The following LXN variants were observed in gnomAD, a reference collection of about 807,000 sequenced individuals.
The protein encoded by LXN is MUM.
A neutral mutation model predicts 29.8 loss-of-function variants in LXN; 28 were observed. The observed-to-expected ratio is 0.94, with a 90% confidence interval of 0.70 to 1.29. The LOEUF (loss-of-function observed/expected upper bound fraction) is 1.29, where lower values mean the gene tolerates loss of function less well. Among genes scored for constraint, LXN ranks in the 50% most tolerant of loss-of-function variants. The pLI is 0.00. For synonymous variants in LXN, 77 were observed against 89.6 expected (o/e 0.86, Z 0.80); for missense variants, 227 against 261.7 (o/e 0.87, Z 0.92).
At position 158,667,081 on chromosome 3, in the gene LXN, C is replaced by A; in HGVS notation, c.508-7G>T. ...TAAAGTCATCATTTCTTTGCTATGA[C>A]AAAAAATAAAAACGTGTTGTTTAAA... is the stretch of plus-strand genomic sequence containing the variant. On this transcript the variant is annotated splice_region_variant and splice_polypyrimidine_tract_variant and intron_variant, in intron 4 of 5. Coordinates refer to ENST00000264265, the MANE Select transcript of LXN (RefSeq NM_020169.4). The A allele has an allele frequency of 6.4e-7, 1 of 1,571,960 alleles. No individual in the cohort carries two copies. Among genetic ancestry groups the A allele is most frequent in the Non-Finnish European group, 8.6e-7 (1 of 1,165,190 alleles).
At chr3:158,669,711 G>T in intron 2 of LXN, 101 bp from the exon 3 acceptor site, 2 of 1,131,112 alleles carry the variant, frequency 1.8e-6, no homozygotes, top group Non-Finnish European at 1.3e-6. Flanking sequence ...TAATGGTGTT[G>T]TTTTAGACTA....
intron 5 of LXN, 115 bp downstream of exon 5, chr3:158,666,897 C>G (rs975676268): frequency 6.8e-7 from 1 of 1,479,814 alleles, no homozygotes; most frequent in Admixed American, 2.4e-5. Context: ...AATCTGGTGC[C>G]TATCTGGATT....
At chr3:158,668,392 A>G (rs1179582711) in intron 4 of LXN, among the ~76,000 whole-genome samples, 4 of 152,086 alleles carry the variant, frequency 2.6e-5, no homozygotes, top group Non-Finnish European at 4.4e-5. Flanking sequence ...TTTTCCCCCA[A>G]ATATTTTTGA....
chr3:158,666,598 C>T lies in LXN; in HGVS notation c.*48G>A, dbSNP rs761265517. ...ATAAGCTAGATGCCAGTGAAATTGG[C>T]ATACACATCAATAGACATGTTTACA... On this transcript the variant is annotated 3_prime_UTR_variant, in exon 6 of 6. Transcript: ENST00000264265. 6.0e-6 allele frequency: 9 copies of T among 1,509,596 alleles called. No individual in the cohort carries two copies. Among genetic ancestry groups the T allele is most frequent in the Non-Finnish European group, 8.3e-6 (9 of 1,087,538 alleles). The allele number at this position is 1,509,596 out of a possible 1,614,324, so 93.5% of individuals were successfully genotyped here.
chr3:158,666,630 G>T lies in LXN; in HGVS notation c.*16C>A, dbSNP rs1723713955. 3 of 1,601,888 alleles carry T rather than the reference G, an allele frequency of 1.9e-6. No homozygotes were observed. The highest frequency in any genetic ancestry group is 2.7e-5 in the African/African-American group (2 of 74,790). On this transcript the variant is annotated 3_prime_UTR_variant, in exon 6 of 6. Transcript: ENST00000264265. ...ATCAATAGACATGTTTACACTTCCAGTGTTAGGGTTTTTGTTTATTCCAGT... is the reference window on the plus strand; with the variant it reads ...ATCAATAGACATGTTTACACTTCCATTGTTAGGGTTTTTGTTTATTCCAGT...
rs183903111 is a variant in LXN at position 158,666,484 on chromosome 3, T to C, written c.*162A>G. 4.5e-5 allele frequency: 52 copies of C among 1,163,304 alleles called. No individual in the cohort carries two copies. The Admixed American group carries it at 9.1e-4, about 20-fold the overall frequency. 72.1% of individuals were successfully genotyped at this position (1,163,304 alleles called of 1,614,324 possible). A position where few individuals can be genotyped will look rare whatever the true frequency, so the allele number is the denominator to read the frequency against. ...TTACTGTTTTAAAGACATTTTTATG[T>C]AGTGATACTTTGTATTATGGACTCT... On this transcript the variant is annotated 3_prime_UTR_variant, in exon 6 of 6. Transcript: ENST00000264265.
chr3:158,666,844 A>G, intron 5 of LXN, 100 bp from the exon 6 acceptor site: 2 of 1,422,650 alleles, frequency 1.4e-6, no homozygotes, highest in Admixed American at 2.2e-5. Flanking sequence ...GTCTTCACAA[A>G]GAATAGTACT....
intron 2 of LXN, 117 bp downstream of exon 2, chr3:158,670,839 TG>T: frequency 7.9e-7 from 1 of 1,267,310 alleles, no homozygotes; most frequent in Non-Finnish European, 1.0e-6. Flanking sequence ...GAGGCTGAGG[TG>T]GGAAGATGGC....
rs1472691746 is a variant in LXN, at chr3:158,672,369, A to T, written c.110T>A (p.Val37Asp). 5.0e-6 allele frequency: 8 copies of T among 1,613,594 alleles called. No homozygotes were observed. The highest frequency in any genetic ancestry group is 1.6e-4 in the Middle Eastern group (1 of 6,084). Reference protein sequence around the residue: ...TPHRVFEVQKVKQASMEDIPG... With the variant: ...TPHRVFEVQKDKQASMEDIPG... The stretch of plus-strand genomic sequence containing the variant: ...ACTCACCTCCATGCTGGCTTGTTTG[A>T]CCTTCTGCACCTCAAACACCCTGTG... The change falls in exon 1 of 6, where the codon GTC becomes GAC. Residue 37 changes from valine to aspartate, a missense_variant. Transcript: ENST00000264265.
intron 2 of LXN, among the ~76,000 whole-genome samples, chr3:158,670,666 A>C (rs543728971): frequency 1.3e-5 from 2 of 152,372 alleles, no homozygotes; most frequent in African/African-American, 4.8e-5. Context: ...TTGATCAGCA[A>C]AGATGATCTG....
At chr3:158,672,221 G>A in intron 1 of LXN, 129 bp downstream of exon 1, 1 of 1,133,938 alleles carries the variant, frequency 8.8e-7, no homozygotes, top group Non-Finnish European at 1.3e-6. Context: ...GATACCAGCA[G>A]TGTGTCCTAA....
chr3:158,672,634 C>T lies in LXN; in HGVS notation c.-156G>A, dbSNP rs1724463540. 1.2e-6 allele frequency: 1 copy of T among 852,694 alleles called. No homozygotes were observed. 52.8% of individuals were successfully genotyped at this position (852,694 alleles called of 1,614,324 possible). On this transcript the variant is annotated 5_prime_UTR_variant, in exon 1 of 6. Coordinates refer to ENST00000264265, the MANE Select transcript of LXN (RefSeq NM_020169.4). ...CTTCTTCCTCAGCTCCTTCCGACTC[C>T]GGAAGCTGCTGTTTGGGCCCAGGCT...
chr3:158,667,501 T>G (rs1343615052), intron 4 of LXN, among the ~76,000 whole-genome samples: 1 of 152,148 alleles, frequency 6.6e-6, no homozygotes, highest in Non-Finnish European at 1.5e-5. Context: ...AAACTGAAAA[T>G]AAGGCCGAGC....
intron 1 of LXN, 94 bp downstream of exon 1, chr3:158,672,256 A>C: frequency 6.7e-7 from 1 of 1,503,382 alleles, no homozygotes. Context: ...AGGGGGTGGC[A>C]CGGAGTGTCT....
At chr3:158,667,285 A>G (rs1003790151) in intron 4 of LXN, among the ~76,000 whole-genome samples, 2 of 152,182 alleles carry the variant, frequency 1.3e-5, no homozygotes, top group Non-Finnish European at 2.9e-5. Flanking sequence ...TAAAATCATG[A>G]TCTTATATTT....
chr3:158,669,008 A>G lies in LXN; in HGVS notation c.495T>C (p.Thr165=). The G allele has an allele frequency of 6.2e-7, 1 of 1,611,340 alleles. No individual in the cohort carries two copies. The highest frequency in any genetic ancestry group is 8.5e-7 in the Non-Finnish European group (1 of 1,178,900). The change falls in exon 4 of 6, where the codon ACT becomes ACC. Residue 165 remains threonine, a synonymous_variant. Coordinates refer to ENST00000264265, the MANE Select transcript of LXN (RefSeq NM_020169.4). ...DTWYKMVKIQ[T]VKQVQRNDDF... ...AGAAACTACTTACCACTTGCTTGACAGTTTGAATTTTTACCATTTTATACC... is the reference window on the plus strand; with the variant it reads ...AGAAACTACTTACCACTTGCTTGACGGTTTGAATTTTTACCATTTTATACC...
intron 1 of LXN, among the ~76,000 whole-genome samples, chr3:158,671,300 G>A (rs1254801856): frequency 1.3e-5 from 2 of 152,190 alleles, no homozygotes; most frequent in African/African-American, 2.4e-5. Flanking sequence ...CCCTGGATCT[G>A]TGATCTTAAA....
At chr3:158,667,177 C>T in intron 4 of LXN, 103 bp from the exon 5 acceptor site, 1 of 1,214,554 alleles carries the variant, frequency 8.2e-7, no homozygotes, top group Non-Finnish European at 1.1e-6. Context: ...ATAATATTTC[C>T]ATTTAGGTAA....
At chr3:158,670,885 G>A (rs1021679701) in intron 2 of LXN, 72 bp downstream of exon 2, 1 of 1,377,606 alleles carries the variant, frequency 7.3e-7, no homozygotes, top group Admixed American at 3.3e-5. Flanking sequence ...AGTGAGCCAT[G>A]TTCTGCCACT....
Sources: allele counts gnomAD v4.1 joint callset (sites outside exome capture counted in the v4.1 genomes callset), GRCh38; gene constraint gnomAD v4.1.1; transcripts MANE v1.5; gene names NCBI Gene and HGNC (gene_info 2026-07-23, HGNC 2026-07-21).